Variants in NEK4 observed in about 807,000 individuals in gnomAD.
NEK4 encodes serine/threonine-protein kinase Nek4.
NEK4 carries 86 observed loss-of-function variants against 98.4 expected under a neutral mutation model. The observed-to-expected ratio is 0.87, with a 90% CI of 0.73 to 1.05. The LOEUF (loss-of-function observed/expected upper bound fraction) is 1.05. Ranked by LOEUF, NEK4 falls within the 50% of genes least tolerant of loss-of-function variation. The pLI, the probability that NEK4 is intolerant of heterozygous loss-of-function variation, is 0.00. For synonymous variants in NEK4, 328 were observed against 342.2 expected, an observed-to-expected ratio of 0.96 and a Z score of 0.46; for missense variants, 898 against 950.3, an observed-to-expected ratio of 0.94 and a Z score of 0.72.
At chr3:52,761,581 T>G (rs1264091063) in intron 5 of NEK4, among the ~76,000 whole-genome samples, 1 of 152,158 alleles carries the variant, frequency 6.6e-6, no homozygotes, top group Admixed American at 6.6e-5. Context: ...CCACCATGCA[T>G]GGCCAAGTCA....
intron 15 of NEK4, among the ~76,000 whole-genome samples, chr3:52,712,967 T>G (rs2097351854): frequency 6.6e-6 from 1 of 152,130 alleles, no homozygotes; most frequent in Non-Finnish European, 1.5e-5. Flanking sequence ...ATGCAACATT[T>G]GGGCACGAAC....
chr3:52,723,757 A>C (rs1350076114), intron 15 of NEK4, among the ~76,000 whole-genome samples: 3 of 152,104 alleles, frequency 2.0e-5, no homozygotes, highest in Non-Finnish European at 4.4e-5. Flanking sequence ...TGGGAGTCCC[A>C]GAGAAAGAGG....
At chr3:52,731,662 A>C (rs1384053467) in intron 15 of NEK4, among the ~76,000 whole-genome samples, 1 of 152,184 alleles carries the variant, frequency 6.6e-6, no homozygotes, top group Non-Finnish European at 1.5e-5. Flanking sequence ...GTCCAATGAG[A>C]CCTGGAAGTG....
chr3:52,724,974 AAAAG>A (rs1216151247), intron 15 of NEK4, among the ~76,000 whole-genome samples: 1 of 152,210 alleles, frequency 6.6e-6, no homozygotes, highest in African/African-American at 2.4e-5. Flanking sequence ...ATATATTTGT[AAAAG>A]AAATACCTTT....
intron 6 of NEK4, among the ~76,000 whole-genome samples, chr3:52,759,162 T>C (rs1274045361): frequency 1.3e-5 from 2 of 149,200 alleles, no homozygotes; most frequent in East Asian, 3.9e-4. Flanking sequence ...CAGCACTTTG[T>C]TTGGGAAGCC....
At chr3:52,747,023 T>A (rs2097397390) in intron 8 of NEK4, 119 bp from the exon 9 acceptor site, 2 of 724,254 alleles carry the variant, frequency 2.8e-6, no homozygotes, top group South Asian at 1.9e-5. Flanking sequence ...TCCTCAGTTT[T>A]AAAAACTGGT....
chr3:52,761,516 C>T (rs1052298188), intron 5 of NEK4, among the ~76,000 whole-genome samples: 5 of 152,098 alleles, frequency 3.3e-5, no homozygotes, highest in Non-Finnish European at 7.3e-5. Context: ...AAACTCCTGA[C>T]CTCAGGTGAT....
At chr3:52,725,234 G>A (rs977429977) in intron 15 of NEK4, among the ~76,000 whole-genome samples, 3 of 152,154 alleles carry the variant, frequency 2.0e-5, no homozygotes, top group Admixed American at 6.5e-5. Flanking sequence ...TGTACAGGCC[G>A]GGCGCTGCGG....
rs1578607376 is a variant in NEK4, at chr3:52,711,225, A to G, written c.*552T>C. On this transcript the variant is annotated 3_prime_UTR_variant, in exon 16 of 16. Transcript: ENST00000233027. Reference sequence around the variant, plus strand: ...AGAATAAAATATTAAAAGTCCATCAATGTGTAGAAAAGAAATACAGCTGCT... The same window carrying G: ...AGAATAAAATATTAAAAGTCCATCAGTGTGTAGAAAAGAAATACAGCTGCT... The G allele has an allele frequency of 6.6e-6, 1 of 152,306 alleles. No individual in the cohort carries two copies. The highest frequency in any genetic ancestry group is 1.5e-5 in the Non-Finnish European group (1 of 68,040). The allele number at this position is 152,306 out of a possible 1,614,324, so 9.4% of individuals were successfully genotyped here. A position where few individuals can be genotyped will look rare whatever the true frequency, so the allele number is the denominator to read the frequency against.
At chr3:52,768,625 T>C in intron 1 of NEK4, 21 bp from the exon 2 acceptor site, 1 of 1,610,298 alleles carries the variant, frequency 6.2e-7, no homozygotes, top group Non-Finnish European at 8.5e-7. Flanking sequence ...ACCATGTATT[T>C]TTACAATGTG....
intron 13 of NEK4, 50 bp downstream of exon 13, chr3:52,741,357 TATTC>T (rs1306450115): frequency 6.8e-6 from 7 of 1,027,676 alleles, no homozygotes; most frequent in Non-Finnish European, 1.1e-5. Context: ...GCACATTTAA[TATTC>T]ATTAAAACAG....
rs1406923279 is a variant in NEK4 at position 52,737,704 on chromosome 3, G to T, written c.2315C>A (p.Ser772Tyr). 1 of 1,612,078 alleles carries T rather than the reference G, an allele frequency of 6.2e-7. No individual in the cohort carries two copies. Among genetic ancestry groups the T allele is most frequent in the South Asian group, 1.1e-5 (1 of 90,716 alleles). The change falls in exon 15 of 16, where the codon TCT becomes TAT. Residue 772 changes from serine (S) to tyrosine (Y), a missense_variant. Transcript: ENST00000233027. ...KELPSAIMPG[S>Y]EKIRRLVEVL... is the part of the protein sequence containing the mutation. Reference sequence around the variant, plus strand: ...TTCAACTAGTCTCCTGATCTTTTCAGAACCTGGCATAATAGCTAAAAGGCA... The same window carrying T: ...TTCAACTAGTCTCCTGATCTTTTCATAACCTGGCATAATAGCTAAAAGGCA...
At chr3:52,764,717 C>T (rs1430821697) in intron 4 of NEK4, among the ~76,000 whole-genome samples, 2 of 151,878 alleles carry the variant, frequency 1.3e-5, no homozygotes, top group African/African-American at 4.8e-5. Flanking sequence ...ACCATGTGAA[C>T]AGCCTGATTT....
chr3:52,746,177 G>A lies in NEK4; in HGVS notation c.1711C>T (p.His571Tyr). 2 of 1,613,810 alleles carry A rather than the reference G, an allele frequency of 1.2e-6. No individual in the cohort carries two copies. The highest frequency in any genetic ancestry group is 2.2e-5 in the South Asian group (2 of 91,032). Residue 571 changes from histidine (H) to tyrosine (Y), a missense_variant, in exon 10 of 16, where the codon CAT (histidine) becomes TAT (tyrosine). Coordinates refer to ENST00000233027, the MANE Select transcript of NEK4 (RefSeq NM_003157.6). ...ACATCCACTTTCCCAACAATGGGAT[G>A]AGAAGGCAAAAATCGAGGAGGCGAC... ...QESPPRFLPS[H>Y]PIVGKVDVTS...
At chr3:52,727,796 A>G (rs1303735291) in intron 15 of NEK4, among the ~76,000 whole-genome samples, 4 of 152,234 alleles carry the variant, frequency 2.6e-5, no homozygotes, top group Admixed American at 2.6e-4. Flanking sequence ...TAAATCACCA[A>G]TGGATCAAAG....
At position 52,752,107 on chromosome 3, in the gene NEK4, C is replaced by T. The variant is rs753599638; in HGVS notation, c.1193G>A (p.Gly398Glu). Residue 398 changes from glycine to glutamate, a missense_variant, in exon 7 of 16, where the codon GGA (glycine) becomes GAA (glutamate). Transcript: ENST00000233027. ...PRYLDASNEL[G>E]GICSISQVEE... The stretch of plus-strand genomic sequence containing the variant: ...CACTTGAGAAATACTGCATATACCT[C>T]CTAACTCATTAGAGGCATCCAAATA... 1 of 1,614,214 alleles carries T rather than the reference C, an allele frequency of 6.2e-7. No homozygotes were observed. The highest frequency in any genetic ancestry group is 8.5e-7 in the Non-Finnish European group (1 of 1,180,042).
intron 15 of NEK4, among the ~76,000 whole-genome samples, chr3:52,714,866 C>T (rs746385563): frequency 6.6e-6 from 1 of 152,194 alleles, no homozygotes; most frequent in Non-Finnish European, 1.5e-5. Context: ...GCCAGGTGTG[C>T]GCATGTTTGG....
At chr3:52,749,607 G>C (rs924745860) in intron 8 of NEK4, 85 bp downstream of exon 8, 2 of 169,984 alleles carry the variant, frequency 1.2e-5, no homozygotes, top group Admixed American at 6.4e-5. Flanking sequence ...GTCGAGGCAG[G>C]CTGATCACTT....
rs538867503 is a variant in NEK4, at chr3:52,767,608, C to T, written c.360+730G>A. ...TGGCAGGCGCCTGTAATCCCAGCTA[C>T]TTGGGAGGCTGAGGCAGGAGAATCG... On this transcript the variant is annotated intron_variant, in intron 2 of 15. Transcript: ENST00000233027. 3.4e-3 allele frequency among the ~76,000 whole-genome samples: 522 copies of T among 151,716 alleles called. 1 individual carries two copies. Among genetic ancestry groups the T allele is most frequent in the Middle Eastern group, 0.02 (6 of 294 alleles).
Sources: gnomAD v4.1 joint callset for allele counts (sites outside exome capture counted in the v4.1 genomes callset) on GRCh38, gnomAD v4.1.1 for gene constraint, MANE v1.5 for transcripts, NCBI Gene and HGNC (gene_info 2026-07-23, HGNC 2026-07-21) for gene names.